Variants in SPSB1 observed in about 807,000 individuals in gnomAD.
SPSB1 encodes splA/ryanodine receptor domain and SOCS box containing 1.
In SPSB1, 8 loss-of-function variants were observed where a neutral mutation model predicts 21.2. The observed-to-expected ratio is 0.38, with a 90% CI of 0.22 to 0.68. The LOEUF is 0.68. SPSB1 is among the 30% of genes least tolerant of loss of function. The probability of loss-of-function intolerance (pLI) is 0.53; values close to 1 mark genes in which losing one functional copy is unlikely to be tolerated. For missense variants in SPSB1, 242 were observed against 377.8 expected (o/e 0.64, Z 2.98); for synonymous variants, 169 against 161.7 (o/e 1.05, Z -0.34).
intron 1 of SPSB1, among the ~76,000 whole-genome samples, chr1:9,297,979 A>G (rs2100457518): frequency 6.6e-6 from 1 of 152,318 alleles, no homozygotes; most frequent in East Asian, 1.9e-4. Flanking sequence ...GCAGTCACTC[A>G]AATGGAAAAC....
intron 1 of SPSB1, among the ~76,000 whole-genome samples, chr1:9,320,966 A>C (rs1264284615): frequency 1.7e-5 from 2 of 119,176 alleles, no homozygotes; most frequent in African/African-American, 6.2e-5. Flanking sequence ...CCCTGCTTAA[A>C]ATCTCCTTCC....
In SPSB1 at chr1:9,321,759, G is replaced by A. The variant is rs1195445447; in HGVS notation, c.-150+28688G>A. Among the ~76,000 whole-genome samples, 2 of 152,322 alleles carry A rather than the reference G, an allele frequency of 1.3e-5. No individual in the cohort carries two copies. Among genetic ancestry groups the A allele is most frequent in the South Asian group, 2.1e-4 (1 of 4,826 alleles). Reference sequence around the variant, plus strand: ...GATGTGAATCACATGACTCTGAGTCGGTGGAGGAGGAGGACTCTGAGAGGC... The same window carrying A: ...GATGTGAATCACATGACTCTGAGTCAGTGGAGGAGGAGGACTCTGAGAGGC... On this transcript the variant is annotated intron_variant, in intron 1 of 2. Coordinates refer to ENST00000328089, the MANE Select transcript of SPSB1 (RefSeq NM_025106.4). The surrounding 1 kb of genome is among the most constrained non-coding windows in gnomAD (Gnocchi z 4.8).
intron 1 of SPSB1, among the ~76,000 whole-genome samples, chr1:9,318,240 C>G (rs72642739): frequency 0.038 from 5,844 of 152,334 alleles, 174 homozygotes; most frequent in Admixed American, 0.069. Context: ...CGAATGCAGC[C>G]GGCAGCAGAA....
In SPSB1 at chr1:9,349,105, G is replaced by A. The variant is rs9659212; in HGVS notation, c.-149-6638G>A. On this transcript the variant is annotated intron_variant, in intron 1 of 2. Transcript: ENST00000328089. ...AGGTAGCCCCTCCCCCTCCTCCAGA[G>A]CTTTTAATGGCCTTCACTGTGTTGT... Among the ~76,000 whole-genome samples, 1,481 of 152,234 alleles carry A rather than the reference G, an allele frequency of 9.7e-3. 9 individuals carry two copies. Among genetic ancestry groups the A allele is most frequent in the South Asian group, 0.034 (165 of 4,822 alleles).
In SPSB1 at chr1:9,367,460, C is replaced by G; in HGVS notation, c.707C>G (p.Pro236Arg). The G allele has an allele frequency of 6.2e-7, 1 of 1,613,764 alleles. No individual in the cohort carries two copies. Among genetic ancestry groups the G allele is most frequent in the Non-Finnish European group, 8.5e-7 (1 of 1,179,954 alleles). The change falls in exon 3 of 3, where the codon CCG becomes CGG. Residue 236 changes from proline to arginine, a missense_variant. Transcript: ENST00000328089. This position sits in a 1 kb window ranked among gnomAD's most constrained non-coding sequence, Gnocchi z 5.9. ...TCTGTCTCCCCAGCCGAGCCGCTGC[C>G]GCTCATGGATTTGTGCCGTCGCTCG... ...YLNGLDPEPL[P>R]LMDLCRRSVR...
intron 2 of SPSB1, among the ~76,000 whole-genome samples, chr1:9,366,523 A>G (rs1457814373): frequency 1.3e-5 from 2 of 151,004 alleles, no homozygotes; most frequent in African/African-American, 2.4e-5. Flanking sequence ...TTCAGATCCC[A>G]GCCCTGAACC....
chr1:9,330,776 G>A (rs1403034348), intron 1 of SPSB1, among the ~76,000 whole-genome samples: 1 of 151,706 alleles, frequency 6.6e-6, no homozygotes, highest in African/African-American at 2.4e-5. Flanking sequence ...AAGACGTGCA[G>A]TTCAGTAGCG....
At chr1:9,306,868 G>C (rs952213895) in intron 1 of SPSB1, among the ~76,000 whole-genome samples, 4 of 151,954 alleles carry the variant, frequency 2.6e-5, no homozygotes, top group African/African-American at 9.7e-5. Context: ...TGGACATGCA[G>C]ATGTGCTCTG....
At position 9,356,598 on chromosome 1, in the gene SPSB1, T is replaced by C; in HGVS notation, c.694+13T>C. The C allele has an allele frequency of 6.4e-7, 1 of 1,570,698 alleles. No individual in the cohort carries two copies. Among genetic ancestry groups the C allele is most frequent in the Non-Finnish European group, 8.7e-7 (1 of 1,154,446 alleles). On this transcript the variant is annotated intron_variant, in intron 2 of 2. Coordinates refer to ENST00000328089, the MANE Select transcript of SPSB1 (RefSeq NM_025106.4). The surrounding 1 kb of genome is among the most constrained non-coding windows in gnomAD (Gnocchi z 7.4). ...AACGGACTCGATCGTAAGTGTCTCC[T>C]CTGCTGTCAGAGGCAATGCCCTCCC...
At chr1:9,307,521 T>C (rs1489960994) in intron 1 of SPSB1, among the ~76,000 whole-genome samples, 1 of 152,226 alleles carries the variant, frequency 6.6e-6, no homozygotes, top group Non-Finnish European at 1.5e-5. Context: ...GACTTCTGGC[T>C]AATTAAATTT....
At chr1:9,316,217 C>G (rs775794778) in intron 1 of SPSB1, among the ~76,000 whole-genome samples, 1 of 152,236 alleles carries the variant, frequency 6.6e-6, no homozygotes, top group East Asian at 1.9e-4. Context: ...CCTCCCTGAC[C>G]CTGGGGCTCC....
intron 1 of SPSB1, among the ~76,000 whole-genome samples, chr1:9,309,588 A>C (rs1368047158): frequency 6.6e-6 from 1 of 152,154 alleles, no homozygotes; most frequent in Admixed American, 6.5e-5. Context: ...CACGCCTGTA[A>C]TCTCAGCACT....
At chr1:9,361,157 T>TTTTTTTTTTTTCTTTTTTTTC (rs1640468321) in intron 2 of SPSB1, among the ~76,000 whole-genome samples, 2 of 17,754 alleles carry the variant, frequency 1.1e-4, no homozygotes, top group African/African-American at 4.1e-4. Context: ...TGTCATTTTC[T>TTTTTTTTTTTTCTTTTTTTTC]TTTTTTTTTT....
chr1:9,366,333 T>A (rs901957192), intron 2 of SPSB1, among the ~76,000 whole-genome samples: 1 of 152,220 alleles, frequency 6.6e-6, no homozygotes, highest in Non-Finnish European at 1.5e-5. Flanking sequence ...TCAGCCTCAC[T>A]GTCAGACAGA....
At chr1:9,336,688 C>T (rs1569620268) in intron 1 of SPSB1, among the ~76,000 whole-genome samples, 1 of 152,220 alleles carries the variant, frequency 6.6e-6, no homozygotes, top group Non-Finnish European at 1.5e-5. Context: ...GACGCAACTC[C>T]TGGCCGGCTC....
intron 1 of SPSB1, among the ~76,000 whole-genome samples, chr1:9,344,815 G>C (rs114725568): frequency 0.011 from 1,730 of 152,108 alleles, 27 homozygotes; most frequent in African/African-American, 0.038. Context: ...TGAGTCCTCA[G>C]ATCCCTTCCC....
At chr1:9,364,251 AG>A (rs1175653998) in intron 2 of SPSB1, among the ~76,000 whole-genome samples, 1 of 152,192 alleles carries the variant, frequency 6.6e-6, no homozygotes, top group Non-Finnish European at 1.5e-5. Flanking sequence ...GGCCAGATGC[AG>A]GCGCGCTCCC....
rs146699057 is a variant in SPSB1 at position 9,367,505 on chromosome 1, G to A, written c.752G>A (p.Arg251Lys). Residue 251 changes from arginine (R) to lysine (K), a missense_variant, in exon 3 of 3, where the codon AGG (arginine) becomes AAG (lysine). Arg to Lys is a conservative substitution (Grantham distance 26). Transcript: ENST00000328089. This position sits in a 1 kb window ranked among gnomAD's most constrained non-coding sequence, Gnocchi z 5.9. Reference sequence around the variant, plus strand: ...CGCTCGGTGCGCCTGGCCCTGGGGAGGGAGCGCCTGGGGGAGATCCACACG... The same window carrying A: ...CGCTCGGTGCGCCTGGCCCTGGGGAAGGAGCGCCTGGGGGAGATCCACACG... ...CRRSVRLALG[R>K]ERLGEIHTLP... The A allele has an allele frequency of 3.9e-5, 63 of 1,612,266 alleles. No individual in the cohort carries two copies. Among genetic ancestry groups the A allele is most frequent in the Non-Finnish European group, 4.9e-5 (58 of 1,179,526 alleles).
rs754991670 is a variant in SPSB1 at position 9,368,204 on chromosome 1, A to G, written c.*629A>G. On this transcript the variant is annotated 3_prime_UTR_variant, in exon 3 of 3. Transcript: ENST00000328089. ...TATTTATTCTTTTAACAATAACAAA[A>G]GCCATTTATTTATTCCATCTAGAAA... is the stretch of plus-strand genomic sequence containing the variant. The G allele has an allele frequency of 1.6e-4, 24 of 152,836 alleles. No homozygotes were observed. Among genetic ancestry groups the G allele is most frequent in the Non-Finnish European group, 3.5e-4 (24 of 68,274 alleles). The allele number at this position is 152,836 out of a possible 1,614,324, so 9.5% of individuals were successfully genotyped here.
Sources: allele counts gnomAD v4.1 joint callset (sites outside exome capture counted in the v4.1 genomes callset), GRCh38; gene constraint gnomAD v4.1.1; non-coding constraint Gnocchi (gnomAD v3.1); transcripts MANE v1.5; gene names NCBI Gene and HGNC (gene_info 2026-07-23, HGNC 2026-07-21).